DIAPH3: variants seen among roughly 807,000 people sequenced by gnomAD.
DIAPH3 encodes diaphanous related formin 3.
A neutral mutation model predicts 144.3 loss-of-function variants in DIAPH3; 117 were observed. The ratio of observed to expected loss-of-function variants is 0.81; its 90% CI spans 0.70 to 0.95. The LOEUF (loss-of-function observed/expected upper bound fraction) is 0.95, where lower values mean the gene tolerates loss of function less well. Among genes scored for constraint, DIAPH3 ranks in the 40% least tolerant of loss-of-function variants. The pLI, the probability that DIAPH3 is intolerant of heterozygous loss-of-function variation, is 0.00. For synonymous variants in DIAPH3, 519 were observed against 488.9 expected, an observed-to-expected ratio of 1.06 and a Z score of -0.81; for missense variants, 1,421 against 1,412.7, an observed-to-expected ratio of 1.01 and a Z score of -0.09.
chr13:59,936,856 G>A (rs1164478444), intron 17 of DIAPH3, among the ~76,000 whole-genome samples: 1 of 152,090 alleles, frequency 6.6e-6, no homozygotes, highest in Non-Finnish European at 1.5e-5. Flanking sequence ...AATCATACAT[G>A]TATATTCATA....
rs187268506 is a variant in DIAPH3, at chr13:59,673,378, C to G, written c.3320-6532G>C. On this transcript the variant is annotated intron_variant, in intron 27 of 27. Transcript: ENST00000400324. ...AACTCAATTGCATTTACTCATGCCTCTTTTTTCTCTCACATTTGCAACATT... is the reference window on the plus strand; with the variant it reads ...AACTCAATTGCATTTACTCATGCCTGTTTTTTCTCTCACATTTGCAACATT... Among the ~76,000 whole-genome samples, 22 of 152,294 alleles carry G rather than the reference C, an allele frequency of 1.4e-4. 1 individual carries two copies. The highest frequency in any genetic ancestry group is 1.5e-5 in the Non-Finnish European group (1 of 68,030).
intron 9 of DIAPH3, among the ~76,000 whole-genome samples, chr13:60,003,599 A>G (rs1045819547): frequency 6.6e-5 from 10 of 151,472 alleles, no homozygotes. Flanking sequence ...TATGAGATGG[A>G]GTCTTGCTCT....
chr13:59,721,698 A>G (rs1178946262), intron 27 of DIAPH3, among the ~76,000 whole-genome samples: 2 of 152,206 alleles, frequency 1.3e-5, no homozygotes. Flanking sequence ...TCATCTGACA[A>G]AATAATGGCA....
intron 27 of DIAPH3, among the ~76,000 whole-genome samples, chr13:59,721,781 T>C (rs1018413436): frequency 6.6e-6 from 1 of 152,164 alleles, no homozygotes; most frequent in African/African-American, 2.4e-5. Context: ...TTTGTCCCAT[T>C]TGGCACCAAT....
chr13:59,972,710 A>G (rs2050457674), intron 15 of DIAPH3, among the ~76,000 whole-genome samples: 1 of 152,200 alleles, frequency 6.6e-6, no homozygotes, highest in African/African-American at 2.4e-5. Flanking sequence ...CAATGTCTTA[A>G]AGATATGGCT....
At chr13:59,946,250 T>A (rs1163801888) in intron 17 of DIAPH3, among the ~76,000 whole-genome samples, 1 of 152,164 alleles carries the variant, frequency 6.6e-6, no homozygotes, top group Non-Finnish European at 1.5e-5. Flanking sequence ...AAGCATTGTG[T>A]TCCTATTATA....
chr13:59,901,719 G>A (rs11616749), intron 20 of DIAPH3, among the ~76,000 whole-genome samples: 21,217 of 152,134 alleles, frequency 0.14, 1,999 homozygotes, highest in Non-Finnish European at 0.21. Flanking sequence ...CTGAATCAAG[G>A]AGACAAAGTA....
At chr13:59,752,749 A>T (rs939205357) in intron 27 of DIAPH3, among the ~76,000 whole-genome samples, 15 of 151,980 alleles carry the variant, frequency 9.9e-5, no homozygotes, top group Admixed American at 6.6e-5. Flanking sequence ...TAAACAAAAA[A>T]CTCTTAGCAT....
chr13:59,771,010 G>A (rs2038089333), intron 27 of DIAPH3, among the ~76,000 whole-genome samples: 1 of 152,122 alleles, frequency 6.6e-6, no homozygotes, highest in South Asian at 2.1e-4. Context: ...ACAAAGGCTG[G>A]ATAATTCAGT....
chr13:59,854,048 T>G (rs913308452), intron 22 of DIAPH3, among the ~76,000 whole-genome samples: 1 of 152,054 alleles, frequency 6.6e-6, no homozygotes, highest in South Asian at 2.1e-4. Context: ...GATCTTGAGA[T>G]GAAATCATCC....
intron 9 of DIAPH3, among the ~76,000 whole-genome samples, chr13:60,007,205 T>A (rs965283486): frequency 2.0e-5 from 3 of 151,918 alleles, no homozygotes; most frequent in Non-Finnish European, 4.4e-5. Flanking sequence ...GCACCTGCCA[T>A]CATGCCCGGC....
chr13:60,075,320 T>C (rs2057344028), intron 4 of DIAPH3, among the ~76,000 whole-genome samples: 2 of 152,344 alleles, frequency 1.3e-5, no homozygotes, highest in South Asian at 4.1e-4. Flanking sequence ...TCTTTACACA[T>C]TATTGATACA....
intron 5 of DIAPH3, among the ~76,000 whole-genome samples, chr13:60,025,838 G>C (rs554442789): frequency 6.6e-6 from 1 of 152,036 alleles, no homozygotes; most frequent in Non-Finnish European, 1.5e-5. Flanking sequence ...AAAAAAAACT[G>C]TGTGCCATAA....
intron 2 of DIAPH3, among the ~76,000 whole-genome samples, chr13:60,124,514 G>C (rs2058934240): frequency 6.6e-6 from 1 of 151,888 alleles, no homozygotes; most frequent in Non-Finnish European, 1.5e-5. Context: ...TCTCATCTTA[G>C]AAAACATCTT....
At chr13:59,892,173 G>C (rs1297797341) in intron 20 of DIAPH3, among the ~76,000 whole-genome samples, 1 of 151,772 alleles carries the variant, frequency 6.6e-6, no homozygotes, top group African/African-American at 2.4e-5. Flanking sequence ...ATGAAAAAGA[G>C]GGTAACATAG....
intron 24 of DIAPH3, among the ~76,000 whole-genome samples, chr13:59,822,907 A>ATTT (rs137972755): frequency 2.0e-5 from 3 of 150,846 alleles, no homozygotes; most frequent in South Asian, 4.2e-4. Context: ...CATTTTATTC[A>ATTT]TTTTTTTTTG....
chr13:59,815,731 C>T (rs1035000536), intron 24 of DIAPH3, among the ~76,000 whole-genome samples: 6 of 152,074 alleles, frequency 3.9e-5, no homozygotes, highest in African/African-American at 1.4e-4. Flanking sequence ...GCTGGGATTA[C>T]AGGGATGAGC....
intron 27 of DIAPH3, among the ~76,000 whole-genome samples, chr13:59,761,727 A>G (rs1157607374): frequency 6.6e-6 from 1 of 152,234 alleles, no homozygotes; most frequent in Non-Finnish European, 1.5e-5. Context: ...CATAAAAATG[A>G]TAAGCTGAGA....
chr13:59,946,604 TA>T (rs2048808010), intron 17 of DIAPH3, among the ~76,000 whole-genome samples: 1 of 152,202 alleles, frequency 6.6e-6, no homozygotes, highest in Non-Finnish European at 1.5e-5. Context: ...TTGAGTCATT[TA>T]AAATACATGC....
Sources: gnomAD v4.1 joint callset for allele counts (sites outside exome capture counted in the v4.1 genomes callset) on GRCh38, gnomAD v4.1.1 for gene constraint, MANE v1.5 for transcripts, NCBI Gene and HGNC (gene_info 2026-07-23, HGNC 2026-07-21) for gene names.